Variants in PLCXD1 observed in about 807,000 individuals in gnomAD.
The protein encoded by PLCXD1 is PI-PLC X domain-containing protein 1.
PLCXD1 carries 45 observed loss-of-function variants against 37.8 expected under a neutral mutation model. That is an observed-to-expected ratio of 1.19 (90% CI 0.94 to 1.53). The LOEUF (loss-of-function observed/expected upper bound fraction) is 1.53, where lower values mean the gene tolerates loss of function less well. Among genes scored for constraint, PLCXD1 ranks in the 40% most tolerant of loss-of-function variants. The pLI is 0.00. For missense variants in PLCXD1, 539 were observed against 454.7 expected (o/e 1.19, Z -1.69); for synonymous variants, 246 against 206.9 (o/e 1.19, Z -1.62).
intron 2 of PLCXD1, among the ~76,000 whole-genome samples, chrX:285,131 CACAT>C (rs921893321): frequency 1.7e-3 from 97 of 57,206 alleles, no homozygotes; most frequent in South Asian, 2.5e-3. Flanking sequence ...CATGCGCACA[CACAT>C]ACATGCATGC....
At position 293,137 on chromosome X, in the gene PLCXD1, G is replaced by A. The variant is rs1379338915; in HGVS notation, c.652G>A (p.Val218Ile). 6.2e-7 allele frequency: 1 copy of A among 1,612,446 alleles called. No individual in the cohort carries two copies. The highest frequency in any genetic ancestry group is 1.7e-5 in the Admixed American group (1 of 60,008). ...LRRHHELWPG[V>I]PYWWGNRVKT... ...CCGGCACCACGAGCTGTGGCCAGGA[G>A]TCCCCTACTGGTGGGGAAACAGGGT... is the stretch of plus-strand genomic sequence containing the variant. Residue 218 changes from valine to isoleucine, a missense_variant, in exon 6 of 7, where the codon GTC (valine) becomes ATC (isoleucine). By Grantham distance (29) the Val-to-Ile change is conservative (BLOSUM62 3). Coordinates refer to ENST00000381657, the MANE Select transcript of PLCXD1 (RefSeq NM_018390.4).
intron 6 of PLCXD1, among the ~76,000 whole-genome samples, chrX:294,140 C>G (rs1201825122): frequency 2.0e-5 from 3 of 151,930 alleles, no homozygotes; most frequent in Non-Finnish European, 4.4e-5. Context: ...AGTTTGGAGA[C>G]CAGCCTGGCC....
At chrX:288,642 G>C in intron 2 of PLCXD1, 91 bp from the exon 3 acceptor site, 1 of 1,399,046 alleles carries the variant, frequency 7.1e-7, no homozygotes, top group South Asian at 1.2e-5. Flanking sequence ...GCGGGCAGCA[G>C]CCTGTGCTGT....
In PLCXD1 at chrX:299,442, TAATACG is replaced by T; in HGVS notation, c.*108_*113del. 1.2e-6 allele frequency: 1 copy of T among 833,994 alleles called. No individual in the cohort carries two copies. Among genetic ancestry groups the T allele is most frequent in the Non-Finnish European group, 2.0e-6 (1 of 491,026 alleles). The allele number at this position is 833,994 out of a possible 1,614,324, so 51.7% of individuals were successfully genotyped here. A position where few individuals can be genotyped will look rare whatever the true frequency, so the allele number is the denominator to read the frequency against. On this transcript the variant is annotated 3_prime_UTR_variant, in exon 7 of 7. Coordinates refer to ENST00000381657, the MANE Select transcript of PLCXD1 (RefSeq NM_018390.4). ...ATGTTGGTGATCATAGGACCGATGA[TAATACG>T]TTTTCATTTTCTTTAAAATAGAGAT... is the stretch of plus-strand genomic sequence containing the variant.
rs2069890889 is a variant in PLCXD1 at position 298,734 on chromosome X, A to G, written c.734-363A>G. The stretch of plus-strand genomic sequence containing the variant: ...GGACGTGGACATCTTTGGGGCCATT[A>G]TCCTGTCTATCACATGGGGATTAGG... On this transcript the variant is annotated intron_variant, in intron 6 of 6. Transcript: ENST00000381657. Among the ~76,000 whole-genome samples, 2 of 64,900 alleles carry G rather than the reference A, an allele frequency of 3.1e-5. 1 individual carries two copies. The highest frequency in any genetic ancestry group is 6.1e-5 in the Non-Finnish European group (2 of 32,862). 42.6% of individuals were successfully genotyped at this position (64,900 alleles called of 152,430 possible).
At position 300,499 on chromosome X, in the gene PLCXD1, T is replaced by C. The variant is rs1271124358; in HGVS notation, c.*1164T>C. The C allele has an allele frequency of 5.1e-5, 7 of 136,268 alleles. No homozygotes were observed. The highest frequency in any genetic ancestry group is 6.3e-5 in the Non-Finnish European group (4 of 63,702). 8.4% of individuals were successfully genotyped at this position (136,268 alleles called of 1,614,324 possible). A position where few individuals can be genotyped will look rare whatever the true frequency, so the allele number is the denominator to read the frequency against. On this transcript the variant is annotated 3_prime_UTR_variant, in exon 7 of 7. Transcript: ENST00000381657. ...GTGTGTATATGTGTGTATGTGTGTA[T>C]ATATGTATATGTGTGCATATGTGTA...
Position 303,252 on chromosome X carries a change from T to A in PLCXD1, c.*3917T>A, listed in dbSNP as rs2070072570. Reference sequence around the variant, plus strand: ...GGAGATGAAGAATTTGCAGGGAGCCTCCCTGACTTCCGTCGGCTGTGAATC... The same window carrying A: ...GGAGATGAAGAATTTGCAGGGAGCCACCCTGACTTCCGTCGGCTGTGAATC... On this transcript the variant is annotated 3_prime_UTR_variant, in exon 7 of 7. Transcript: ENST00000381657. The A allele has an allele frequency of 6.6e-6, 1 of 152,148 alleles. No homozygotes were observed. Among genetic ancestry groups the A allele is most frequent in the Non-Finnish European group, 1.5e-5 (1 of 68,038 alleles). The allele number at this position is 152,148 out of a possible 1,614,324, so 9.4% of individuals were successfully genotyped here.
At chrX:298,850 G>C (rs1356853516) in intron 6 of PLCXD1, among the ~76,000 whole-genome samples, 1 of 151,176 alleles carries the variant, frequency 6.6e-6, no homozygotes, top group Non-Finnish European at 1.5e-5. Flanking sequence ...TATCACATGG[G>C]GATTAGGATG....
At chrX:294,456 T>A (rs1348325835) in intron 6 of PLCXD1, among the ~76,000 whole-genome samples, 5 of 146,112 alleles carry the variant, frequency 3.4e-5, no homozygotes, top group Non-Finnish European at 4.5e-5. Context: ...AACTCCAGCC[T>A]GGGCGACAGA....
chrX:296,539 C>T (rs768410049), intron 6 of PLCXD1, among the ~76,000 whole-genome samples: 4 of 152,330 alleles, frequency 2.6e-5, no homozygotes, highest in African/African-American at 9.6e-5. Context: ...GAACCTACCT[C>T]TGGGGGAGCT....
chrX:291,433 G>A lies in PLCXD1; in HGVS notation c.394-66G>A, dbSNP rs1247275343. On this transcript the variant is annotated intron_variant, in intron 4 of 6. Transcript: ENST00000381657. ...ATTGCTGGGATGACAGGCGTGAGCCGCCACACCCCGCCTTCCCTGTGGTGT... is the reference window on the plus strand; with the variant it reads ...ATTGCTGGGATGACAGGCGTGAGCCACCACACCCCGCCTTCCCTGTGGTGT... 50 of 1,574,540 alleles carry A rather than the reference G, an allele frequency of 3.2e-5. 1 individual carries two copies. The Middle Eastern group carries it at 6.8e-4, about 22-fold the overall frequency.
At chrX:296,297 G>A (rs28509357) in intron 6 of PLCXD1, among the ~76,000 whole-genome samples, 30,144 of 151,720 alleles carry the variant, frequency 0.2, 3,321 homozygotes, top group African/African-American at 0.3. Flanking sequence ...ATTTTTGGAT[G>A]TGTTTTTACT....
At chrX:281,910 G>T (rs1309679608) in intron 1 of PLCXD1, among the ~76,000 whole-genome samples, 1 of 152,096 alleles carries the variant, frequency 6.6e-6, no homozygotes, top group Non-Finnish European at 1.5e-5. Flanking sequence ...ACCACGGCCG[G>T]CTACTTTTTG....
chrX:276,982 T>C (rs1398406120), upstream of PLCXD1, among the ~76,000 whole-genome samples: 3 of 152,112 alleles, frequency 2.0e-5, no homozygotes, highest in Admixed American at 6.5e-5. Flanking sequence ...ACCGGGCGTC[T>C]GGGCCCGTCC....
chrX:285,528 C>A (rs1197318208), intron 2 of PLCXD1, among the ~76,000 whole-genome samples: 3 of 149,928 alleles, frequency 2.0e-5, no homozygotes, highest in Non-Finnish European at 4.4e-5. Flanking sequence ...CGTGTACACA[C>A]GTACATGCAT....
intron 5 of PLCXD1, among the ~76,000 whole-genome samples, chrX:292,181 C>T (rs1432963929): frequency 2.8e-5 from 4 of 145,200 alleles, no homozygotes; most frequent in Non-Finnish European, 4.5e-5. Context: ...GTGTGCCGGA[C>T]GCAGTGGCTC....
chrX:282,052 C>T (rs2069290286), intron 1 of PLCXD1, among the ~76,000 whole-genome samples: 1 of 152,142 alleles, frequency 6.6e-6, no homozygotes, highest in Admixed American at 6.6e-5. Context: ...CCGGCCCCTC[C>T]AGGTCTCATT....
rs371425185 is a variant in PLCXD1, at chrX:290,774, G to A, written c.391G>A (p.Glu131Lys). The A allele has an allele frequency of 3.8e-6, 6 of 1,598,580 alleles. No individual in the cohort carries two copies. Among genetic ancestry groups the A allele is most frequent in the Middle Eastern group, 3.4e-4 (2 of 5,886 alleles). ...TATGGTGTACACAACGGCGCTGGTGGAGGTGCGGCCGGGCTGAGGTGGGAC... is the reference window on the plus strand; with the variant it reads ...TATGGTGTACACAACGGCGCTGGTGAAGGTGCGGCCGGGCTGAGGTGGGAC... ...VHMVYTTALV[E>K]DTLTEISEWL... is the part of the protein sequence containing the mutation. The change falls in exon 4 of 7, where the codon GAG becomes AAG. Residue 131 changes from glutamate (E) to lysine (K), a missense_variant and splice_region_variant. By Grantham distance (56) the Glu-to-Lys change is moderately conservative. Transcript: ENST00000381657.
chrX:276,598 G>A (rs2069161934), upstream of PLCXD1, among the ~76,000 whole-genome samples: 1 of 152,138 alleles, frequency 6.6e-6, no homozygotes, highest in Non-Finnish European at 1.5e-5. Flanking sequence ...CTGGACGTTG[G>A]CAGCCACAGG....
Sources: allele counts gnomAD v4.1 joint callset (sites outside exome capture counted in the v4.1 genomes callset), GRCh38; gene constraint gnomAD v4.1.1; transcripts MANE v1.5; gene names NCBI Gene and HGNC (gene_info 2026-07-23, HGNC 2026-07-21).